UNC13C: variants seen among roughly 807,000 people sequenced by gnomAD.
The protein encoded by UNC13C is unc-13 homolog C.
UNC13C carries 174 observed loss-of-function variants against 245.4 expected under a neutral mutation model. That is an observed-to-expected ratio of 0.71 (90% CI 0.63 to 0.80). The LOEUF is 0.80. UNC13C is among the 30% of genes least tolerant of loss of function. The probability of loss-of-function intolerance (pLI) is 0.00; values close to 1 mark genes in which losing one functional copy is unlikely to be tolerated. For synonymous variants in UNC13C, 992 were observed against 895.1 expected, an observed-to-expected ratio of 1.11 and a Z score of -1.93; for missense variants, 2,829 against 2,602.9, an observed-to-expected ratio of 1.09 and a Z score of -1.89.
chr15:54,267,351 A>G (rs1404421264), intron 10 of UNC13C, among the ~76,000 whole-genome samples: 1 of 150,438 alleles, frequency 6.6e-6, no homozygotes, highest in Non-Finnish European at 1.5e-5. Flanking sequence ...GATTTCCAGT[A>G]TGATGCCAAA....
intron 23 of UNC13C, among the ~76,000 whole-genome samples, chr15:54,509,738 G>T (rs543624137): frequency 6.6e-6 from 1 of 151,796 alleles, no homozygotes; most frequent in African/African-American, 2.4e-5. Flanking sequence ...TGAAGTTGTC[G>T]AAAGTAAAAA....
chr15:54,012,371 C>G (rs1346197976), intron 1 of UNC13C, among the ~76,000 whole-genome samples: 2 of 152,070 alleles, frequency 1.3e-5, no homozygotes, highest in Non-Finnish European at 2.9e-5. Context: ...TCGTATTACT[C>G]AATGTTTTCT....
the UNC13C span, among the ~76,000 whole-genome samples, chr15:53,941,507 A>C: frequency 6.6e-6 from 1 of 152,166 alleles, no homozygotes; most frequent in East Asian, 1.9e-4. Flanking sequence ...TGAACAGACC[A>C]CCTACATAAT....
intron 28 of UNC13C, among the ~76,000 whole-genome samples, chr15:54,553,125 T>C (rs1261864017): frequency 7.6e-5 from 8 of 105,262 alleles, no homozygotes; most frequent in African/African-American, 3.0e-4. Flanking sequence ...TATTACAATA[T>C]ATAATATATA....
chr15:54,010,951 G>A (rs1426630148), intron 1 of UNC13C, among the ~76,000 whole-genome samples: 1 of 152,142 alleles, frequency 6.6e-6, no homozygotes, highest in Non-Finnish European at 1.5e-5. Flanking sequence ...GCAACTAGGT[G>A]GAGATACTAA....
At chr15:54,095,025 C>G (rs1899778246) in intron 2 of UNC13C, among the ~76,000 whole-genome samples, 1 of 152,104 alleles carries the variant, frequency 6.6e-6, no homozygotes. Flanking sequence ...CTAAGACAAC[C>G]CCACACAGAT....
At chr15:53,852,229 C>G in the UNC13C span, among the ~76,000 whole-genome samples, 2,249 of 152,202 alleles carry the variant, frequency 0.015, 56 homozygotes, top group African/African-American at 0.051. Flanking sequence ...GTGGGGTAAA[C>G]CCCCACACAT....
chr15:54,334,487 A>C (rs2140998814), intron 16 of UNC13C, among the ~76,000 whole-genome samples: 1 of 152,192 alleles, frequency 6.6e-6, no homozygotes, highest in Middle Eastern at 3.4e-3. Flanking sequence ...ACACTCTTTG[A>C]AAGACAGTAT....
rs937591588 is a variant in UNC13C, at chr15:54,052,441, A to T, written c.2983+36555A>T. 2.0e-5 allele frequency among the ~76,000 whole-genome samples: 3 copies of T among 151,316 alleles called. No individual in the cohort carries two copies. The South Asian group carries it at 6.3e-4, about 32-fold the overall frequency. ...AGCACCTGTTGTTTCCTGACTTTTT[A>T]ATGATTGCCATTCTAACTGGTGTGA... On this transcript the variant is annotated intron_variant, in intron 2 of 32. Coordinates refer to ENST00000260323, the MANE Select transcript of UNC13C (RefSeq NM_001080534.3).
At chr15:54,578,703 C>G (rs1898067261) in intron 30 of UNC13C, among the ~76,000 whole-genome samples, 2 of 152,176 alleles carry the variant, frequency 1.3e-5, no homozygotes, top group African/African-American at 4.8e-5. Context: ...TAAAGTCAGA[C>G]AGAGGGCCAG....
chr15:54,310,350 T>C (rs1397599897), intron 13 of UNC13C, among the ~76,000 whole-genome samples: 3 of 151,860 alleles, frequency 2.0e-5, no homozygotes, highest in African/African-American at 7.2e-5. Flanking sequence ...TCTTGCCAAA[T>C]TGAACCTCCT....
At chr15:54,146,624 A>G (rs1220499691) in intron 4 of UNC13C, among the ~76,000 whole-genome samples, 4 of 152,242 alleles carry the variant, frequency 2.6e-5, no homozygotes, top group Admixed American at 6.5e-5. Context: ...AAGGAGCAAG[A>G]GAAAGTAGGA....
intron 19 of UNC13C, among the ~76,000 whole-genome samples, chr15:54,492,506 T>G (rs1030714863): frequency 6.6e-6 from 1 of 152,170 alleles, no homozygotes; most frequent in Non-Finnish European, 1.5e-5. Context: ...GAAATTTACA[T>G]GCACAAATTT....
At chr15:54,137,917 GTTGT>G (rs2031817967) in intron 2 of UNC13C, among the ~76,000 whole-genome samples, 2 of 151,760 alleles carry the variant, frequency 1.3e-5, no homozygotes, top group African/African-American at 4.8e-5. Context: ...AAAAATTTAG[GTTGT>G]TTATTTGAGA....
chr15:53,927,276 G>A, the UNC13C span, among the ~76,000 whole-genome samples: 1 of 152,150 alleles, frequency 6.6e-6, no homozygotes, highest in African/African-American at 2.4e-5. Flanking sequence ...TGCCACTCAG[G>A]GTTAGTTCCA....
At chr15:54,581,194 T>C (rs753854353) in intron 30 of UNC13C, among the ~76,000 whole-genome samples, 6 of 151,974 alleles carry the variant, frequency 3.9e-5, no homozygotes, top group Admixed American at 1.3e-4. Context: ...TGGTTCAAAG[T>C]GGGTTTTCAA....
intron 10 of UNC13C, among the ~76,000 whole-genome samples, chr15:54,269,187 T>C (rs74013583): frequency 0.025 from 3,823 of 152,212 alleles, 156 homozygotes; most frequent in African/African-American, 0.088. Flanking sequence ...GAAGTAATCA[T>C]AGGGCTCACT....
At chr15:54,493,408 CTCTT>C (rs1893810177) in intron 19 of UNC13C, among the ~76,000 whole-genome samples, 1 of 152,080 alleles carries the variant, frequency 6.6e-6, no homozygotes, top group African/African-American at 2.4e-5. Flanking sequence ...TCCTCTCTCT[CTCTT>C]TCTGTCTGCT....
At chr15:54,486,506 T>C (rs147192608) in intron 19 of UNC13C, among the ~76,000 whole-genome samples, 2 of 151,778 alleles carry the variant, frequency 1.3e-5, no homozygotes, top group African/African-American at 2.4e-5. Flanking sequence ...CATAGTAGAA[T>C]AGTCAATAAA....
Sources: allele counts gnomAD v4.1 joint callset (sites outside exome capture counted in the v4.1 genomes callset), GRCh38; gene constraint gnomAD v4.1.1; transcripts MANE v1.5; gene names NCBI Gene and HGNC (gene_info 2026-07-23, HGNC 2026-07-21).